Variants in MGST1 observed in about 807,000 individuals in gnomAD.
MGST1 encodes glutathione S-transferase 12.
In MGST1, 5 loss-of-function variants were observed where a neutral mutation model predicts 8.9. The ratio of observed to expected loss-of-function variants is 0.56; its 90% confidence interval spans 0.29 to 1.19. MGST1 has a LOEUF of 1.19. Ranked by LOEUF, MGST1 falls within the 50% of genes most tolerant of loss-of-function variation. The pLI is 0.08. For missense variants in MGST1, 182 were observed against 187.4 expected (o/e 0.97, Z 0.17); for synonymous variants, 54 against 67.8 (o/e 0.80, Z 1.00).
intron 1 of MGST1, among the ~76,000 whole-genome samples, chr12:16,414,584 A>G (rs925982960): frequency 4.6e-5 from 7 of 151,266 alleles, no homozygotes; most frequent in Non-Finnish European, 7.4e-5. Context: ...CCCGGCTAAT[A>G]TTTTGTATTT....
chr12:16,484,395 CTG>C (rs1010825726), intron 4 of MGST1, among the ~76,000 whole-genome samples: 1 of 150,976 alleles, frequency 6.6e-6, no homozygotes, highest in Non-Finnish European at 1.5e-5. Context: ...GATAAAGAAT[CTG>C]TTTTTTGTTT....
Position 16,573,092 on chromosome 12 carries a change from T to C in MGST1, n.483-16436T>C, listed in dbSNP as rs982452014. Among the ~76,000 whole-genome samples the C allele has an allele frequency of 1.5e-4, 23 of 152,188 alleles. No homozygotes were observed. In the South Asian group the frequency reaches 4.6e-3, roughly 30 times the overall value. The stretch of plus-strand genomic sequence containing the variant: ...GGAAAGAAAAAATACCTTTTTTTTT[T>C]CCTATGAAAGTTAGGAGTAAGCCAC... On this transcript the variant is annotated intron_variant and non_coding_transcript_variant, in intron 4 of 4. Transcript: ENST00000538857.
rs188318806 is a variant in MGST1, at chr12:16,390,172, C to T, written n.778+6568C>T. On this transcript the variant is annotated intron_variant and non_coding_transcript_variant, in intron 1 of 1. Transcript: ENST00000359720. ...TATACAGGTTTTATGGGGCCTAAACCTTATGTAATTTGAGGGCACCTCAGG... is the reference window on the plus strand; with the variant it reads ...TATACAGGTTTTATGGGGCCTAAACTTTATGTAATTTGAGGGCACCTCAGG... 2.6e-5 allele frequency among the ~76,000 whole-genome samples: 4 copies of T among 151,558 alleles called. No individual in the cohort carries two copies. In the East Asian group the frequency reaches 7.8e-4, roughly 29 times the overall value.
In MGST1 at chr12:16,587,870, G is replaced by A. The variant is rs1337395287; in HGVS notation, n.483-1658G>A. On this transcript the variant is annotated intron_variant and non_coding_transcript_variant, in intron 4 of 4. Transcript: ENST00000538857. The surrounding 1 kb of genome is among the most constrained non-coding windows in gnomAD (Gnocchi z 4.3). ...TAATGCTGCCAGTAGCTATGGTATA[G>A]TGTTAGAAAAAGTCCACAAGCATTG... Among the ~76,000 whole-genome samples the A allele has an allele frequency of 1.3e-5, 2 of 152,100 alleles. No homozygotes were observed. Among genetic ancestry groups the A allele is most frequent in the African/African-American group, 4.8e-5 (2 of 41,442 alleles).
intron 4 of MGST1, among the ~76,000 whole-genome samples, chr12:16,509,561 G>A (rs1248666383): frequency 6.9e-6 from 1 of 145,630 alleles, no homozygotes; most frequent in Non-Finnish European, 1.6e-5. Context: ...TAAACTGGGT[G>A]GACGCCAATT....
chr12:16,560,785 C>A lies in MGST1; in HGVS notation n.483-28743C>A. The A allele has an allele frequency of 2.0e-6, 1 of 512,740 alleles. No homozygotes were observed. The highest frequency in any genetic ancestry group is 3.6e-6 in the Non-Finnish European group (1 of 275,576). The allele number at this position is 512,740 out of a possible 1,614,324, so 31.8% of individuals were successfully genotyped here. On this transcript the variant is annotated intron_variant and non_coding_transcript_variant, in intron 4 of 4. Transcript: ENST00000538857. This position sits in a 1 kb window ranked among gnomAD's most constrained non-coding sequence, Gnocchi z 5.0. ...AAAGACAAATACATTAGGAAGCTTA[C>A]GTAACTGCACATAAACAGAAGTCAA...
At chr12:16,518,816 C>T (rs2137187490) in intron 4 of MGST1, among the ~76,000 whole-genome samples, 1 of 152,268 alleles carries the variant, frequency 6.6e-6, no homozygotes, top group African/African-American at 2.4e-5. Context: ...TCTCCAGAGC[C>T]TTAGTCCAAA....
At chr12:16,572,848 C>T (rs1024308082) in intron 4 of MGST1, among the ~76,000 whole-genome samples, 1 of 151,636 alleles carries the variant, frequency 6.6e-6, no homozygotes, top group Non-Finnish European at 1.5e-5. Flanking sequence ...AAGGATACTA[C>T]ATTAAGGCCA....
At chr12:16,581,327 T>G (rs972152898) in intron 4 of MGST1, among the ~76,000 whole-genome samples, 3 of 152,314 alleles carry the variant, frequency 2.0e-5, no homozygotes, top group Admixed American at 1.3e-4. Flanking sequence ...ACTAAATGAC[T>G]TAATTACCCT....
intron 4 of MGST1, among the ~76,000 whole-genome samples, chr12:16,515,987 T>A (rs903864022): frequency 3.9e-5 from 6 of 152,318 alleles, no homozygotes; most frequent in Admixed American, 1.3e-4. Flanking sequence ...GCAGCCTAGT[T>A]TCTCTGTTAC....
chr12:16,461,728 C>T (rs1259159831), intron 4 of MGST1, among the ~76,000 whole-genome samples: 1 of 152,114 alleles, frequency 6.6e-6, no homozygotes, highest in Non-Finnish European at 1.5e-5. Flanking sequence ...AATTATCTCA[C>T]AGGAACATTG....
At chr12:16,511,237 T>G (rs1941575098) in intron 4 of MGST1, among the ~76,000 whole-genome samples, 1 of 152,260 alleles carries the variant, frequency 6.6e-6, no homozygotes, top group Non-Finnish European at 1.5e-5. Context: ...TATAATTAAC[T>G]GCCAGCAGCA....
chr12:16,551,750 A>G (rs1941998570), intron 4 of MGST1, among the ~76,000 whole-genome samples: 1 of 152,088 alleles, frequency 6.6e-6, no homozygotes, highest in South Asian at 2.1e-4. Context: ...ATAAAAAAGT[A>G]AAAGGCATTA....
intron 1 of MGST1, among the ~76,000 whole-genome samples, chr12:16,349,818 C>T (rs1939379927): frequency 6.7e-6 from 1 of 149,714 alleles, no homozygotes; most frequent in South Asian, 2.1e-4. Context: ...GATCTCAGCT[C>T]ACTGCAAACT....
intron 4 of MGST1, among the ~76,000 whole-genome samples, chr12:16,562,186 A>G (rs1438196360): frequency 6.6e-6 from 1 of 152,156 alleles, no homozygotes; most frequent in African/African-American, 2.4e-5. Context: ...TTGTAAGGAG[A>G]ATTTTTTAGT....
chr12:16,401,913 T>G lies in MGST1; in HGVS notation n.778+18309T>G. On this transcript the variant is annotated intron_variant and non_coding_transcript_variant, in intron 1 of 1. Transcript: ENST00000359720. This position sits in a 1 kb window ranked among gnomAD's most constrained non-coding sequence, Gnocchi z 4.3. ...CCCATCCTCCCTTACAGCGACTGTA[T>G]ATGCCACAACTGCACTGATATCTAT... The G allele has an allele frequency of 6.2e-7, 1 of 1,607,122 alleles. No homozygotes were observed. The highest frequency in any genetic ancestry group is 8.5e-7 in the Non-Finnish European group (1 of 1,173,520).
intron 4 of MGST1, among the ~76,000 whole-genome samples, chr12:16,481,811 G>C (rs1941366118): frequency 6.6e-6 from 1 of 151,996 alleles, no homozygotes; most frequent in South Asian, 2.1e-4. Context: ...AGAATACAGG[G>C]GGGTATGGGG....
intron 4 of MGST1, among the ~76,000 whole-genome samples, chr12:16,451,580 T>A (rs1941129457): frequency 1.3e-5 from 2 of 151,960 alleles, no homozygotes; most frequent in South Asian, 4.1e-4. Context: ...ACAACAGTTA[T>A]ATGAATTTTT....
At chr12:16,439,029 C>A (rs1349096915), downstream of MGST1, among the ~76,000 whole-genome samples, 1 of 150,854 alleles carries the variant, frequency 6.6e-6, no homozygotes, top group Non-Finnish European at 1.5e-5. Flanking sequence ...AAGAGTCTGA[C>A]AACACAGAAT....
Sources: allele counts gnomAD v4.1 joint callset (sites outside exome capture counted in the v4.1 genomes callset), GRCh38; gene constraint gnomAD v4.1.1; non-coding constraint Gnocchi (gnomAD v3.1); transcripts MANE v1.5; gene names NCBI Gene and HGNC (gene_info 2026-07-23, HGNC 2026-07-21).